NDEL1: variants seen among roughly 807,000 people sequenced by gnomAD.
NDEL1 encodes the protein nudE neurodevelopment protein 1 like 1.
A neutral mutation model predicts 45.7 loss-of-function variants in NDEL1; 9 were observed. The observed-to-expected ratio is 0.20, with a 90% confidence interval of 0.12 to 0.34. The LOEUF is 0.34. Among genes scored for constraint, NDEL1 ranks in the 10% least tolerant of loss-of-function variants. NDEL1 has a pLI of 1.00. For missense variants in NDEL1, 306 were observed against 406.2 expected, an observed-to-expected ratio of 0.75 and a Z score of 2.12; for synonymous variants, 133 against 158.6, an observed-to-expected ratio of 0.84 and a Z score of 1.21.
At chr17:8,454,704 A>G (rs1361107678) in intron 6 of NDEL1, 92 bp from the exon 7 acceptor site, 6 of 858,572 alleles carry the variant, frequency 7.0e-6, no homozygotes, top group African/African-American at 1.7e-5. Context: ...TTGATATTGT[A>G]TTGAGTGTTA....
chr17:8,444,666 G>T (rs1278311894), intron 2 of NDEL1: 1 of 221,242 alleles, frequency 4.5e-6, no homozygotes, highest in African/African-American at 2.3e-5. Flanking sequence ...CACTGATTCT[G>T]CCTCATCATT....
At chr17:8,428,300 C>T (rs1238889574) in intron 1 of NDEL1, among the ~76,000 whole-genome samples, 8 of 149,598 alleles carry the variant, frequency 5.3e-5, no homozygotes, top group African/African-American at 1.5e-4. Context: ...AACCACTTCT[C>T]GCCTCAAGGC....
intron 1 of NDEL1, among the ~76,000 whole-genome samples, chr17:8,439,856 C>T (rs7220507): frequency 0.96 from 146,972 of 152,306 alleles, 71,139 homozygotes; most frequent in East Asian, 1. Flanking sequence ...TAAGCTCATT[C>T]TAATGATTAT....
At chr17:8,439,293 G>T (rs948078489) in intron 1 of NDEL1, among the ~76,000 whole-genome samples, 3 of 147,548 alleles carry the variant, frequency 2.0e-5, no homozygotes, top group Admixed American at 6.8e-5. Flanking sequence ...CCAGGCTGGA[G>T]TGCAGTGGCC....
intron 3 of NDEL1, 28 bp from the exon 4 acceptor site, chr17:8,446,726 A>G (rs1163536701): frequency 2.4e-5 from 38 of 1,612,512 alleles, no homozygotes; most frequent in Non-Finnish European, 3.1e-5. Context: ...TATTAATGAC[A>G]TGTACTTTCC....
intron 1 of NDEL1, among the ~76,000 whole-genome samples, chr17:8,426,497 C>A (rs761079724): frequency 6.6e-6 from 1 of 152,152 alleles, no homozygotes; most frequent in Non-Finnish European, 1.5e-5. Flanking sequence ...TGTCAACAGC[C>A]CTTGGGGTTG....
upstream of NDEL1, among the ~76,000 whole-genome samples, chr17:8,432,328 A>ATATATAAAT (rs1189858225): frequency 1.9e-5 from 2 of 106,586 alleles, no homozygotes; most frequent in African/African-American, 6.3e-5. Flanking sequence ...TTTATATATA[A>ATATATAAAT]ATATATATAT....
intron 1 of NDEL1, among the ~76,000 whole-genome samples, chr17:8,416,365 G>C (rs1908545512): frequency 6.6e-6 from 1 of 152,166 alleles, no homozygotes. Context: ...CCAATGACAG[G>C]AGGTAATTTT....
chr17:8,417,815 G>T (rs1365570325), intron 1 of NDEL1, among the ~76,000 whole-genome samples: 8 of 152,174 alleles, frequency 5.3e-5, no homozygotes, highest in Admixed American at 5.2e-4. Flanking sequence ...GATGTGTCCA[G>T]TCTCCCCAGA....
At chr17:8,417,225 T>C (rs1908565893) in intron 1 of NDEL1, among the ~76,000 whole-genome samples, 1 of 152,132 alleles carries the variant, frequency 6.6e-6, no homozygotes, top group East Asian at 1.9e-4. Flanking sequence ...GAAGTGATTC[T>C]TGTGCCTCAG....
In NDEL1 at chr17:8,460,130, G is replaced by T. The variant is rs372507423; in HGVS notation, c.914G>T (p.Arg305Leu). ...AATGGCAATGGCACAAAGTTCTCTC[G>T]ATCAGGGCATACATCTTTCTTCGAC... The part of the protein sequence containing the change: ...VLNGNGTKFS[R>L]SGHTSFFDKG... The change falls in exon 8 of 9, where the codon CGA becomes CTA. Residue 305 changes from arginine (R) to leucine (L), a missense_variant. Arg to Leu is a moderately radical substitution (Grantham distance 102). Coordinates refer to ENST00000334527, the MANE Select transcript of NDEL1 (RefSeq NM_030808.5). The T allele has an allele frequency of 1.5e-5, 25 of 1,613,948 alleles. No homozygotes were observed. The highest frequency in any genetic ancestry group is 1.0e-4 in the Admixed American group (6 of 59,972).
chr17:8,452,301 G>T (rs995402626), intron 6 of NDEL1, among the ~76,000 whole-genome samples: 25 of 152,204 alleles, frequency 1.6e-4, no homozygotes, highest in African/African-American at 6.0e-4. Context: ...AATCAGAATA[G>T]TGAAAAGCCT....
chr17:8,446,609 T>G (rs905620664), intron 3 of NDEL1, 145 bp from the exon 4 acceptor site: 3 of 697,442 alleles, frequency 4.3e-6, no homozygotes, highest in African/African-American at 3.5e-5. Context: ...AGAATGAATG[T>G]GTCATTTAGT....
At chr17:8,453,645 G>A (rs1910656193) in intron 6 of NDEL1, among the ~76,000 whole-genome samples, 1 of 151,974 alleles carries the variant, frequency 6.6e-6, no homozygotes, top group Non-Finnish European at 1.5e-5. Flanking sequence ...ATTCTGAATG[G>A]GAAGACTTAA....
At position 8,459,179 on chromosome 17, in the gene NDEL1, G is replaced by GTA. The variant is rs774922859; in HGVS notation, c.793-820_793-819dup. Among the ~76,000 whole-genome samples the GTA allele has an allele frequency of 3.9e-5, 6 of 152,244 alleles. No individual in the cohort carries two copies. In the South Asian group the frequency reaches 6.2e-4, roughly 16 times the overall value. On this transcript the variant is annotated intron_variant, in intron 7 of 8. Transcript: ENST00000334527. Reference sequence around the variant, plus strand: ...GTCATGGATAATAGACATGAATTGTGTATATATATATTTTGCCATGGATAG... The same window carrying GTA: ...GTCATGGATAATAGACATGAATTGTGTATATATATATATTTTGCCATGGATAG...
At chr17:8,469,742 C>T (rs1464987447), downstream of NDEL1, among the ~76,000 whole-genome samples, 6 of 149,038 alleles carry the variant, frequency 4.0e-5, no homozygotes, top group African/African-American at 7.4e-5. Context: ...CTCGCTCTGT[C>T]GCCCAGGCTG....
intron 5 of NDEL1, 26 bp downstream of exon 5, chr17:8,448,712 A>G: frequency 1.3e-6 from 2 of 1,593,940 alleles, no homozygotes; most frequent in South Asian, 2.2e-5. Flanking sequence ...TAAAGAATAC[A>G]GTTGACCCTT....
chr17:8,424,254 T>G (rs1466412551), intron 1 of NDEL1, among the ~76,000 whole-genome samples: 1 of 152,264 alleles, frequency 6.6e-6, no homozygotes, highest in Non-Finnish European at 1.5e-5. Flanking sequence ...GTGGACATTT[T>G]CCTTATTAAT....
intron 1 of NDEL1, among the ~76,000 whole-genome samples, chr17:8,415,162 C>T (rs1908516044): frequency 6.7e-6 from 1 of 149,308 alleles, no homozygotes; most frequent in South Asian, 2.2e-4. Flanking sequence ...CTGTCTCCCT[C>T]TCTCCCTCTC....
Sources: gnomAD v4.1 joint callset for allele counts (sites outside exome capture counted in the v4.1 genomes callset) on GRCh38, gnomAD v4.1.1 for gene constraint, MANE v1.5 for transcripts, NCBI Gene and HGNC (gene_info 2026-07-23, HGNC 2026-07-21) for gene names.